Variants in CORIN observed in about 807,000 individuals in gnomAD.
The protein encoded by CORIN is atrial natriuretic peptide-converting enzyme.
A neutral mutation model predicts 125.3 loss-of-function variants in CORIN; 117 were observed. The observed-to-expected ratio is 0.93, with a 90% CI of 0.80 to 1.09. CORIN has a LOEUF of 1.09. CORIN is among the 50% of genes least tolerant of loss of function. CORIN has a pLI of 0.00. For missense variants in CORIN, 1,253 were observed against 1,306.7 expected (o/e 0.96, Z 0.63); for synonymous variants, 450 against 466.4 (o/e 0.96, Z 0.45).
intron 5 of CORIN, among the ~76,000 whole-genome samples, chr4:47,717,708 A>G (rs889229021): frequency 2.0e-5 from 3 of 152,226 alleles, no homozygotes; most frequent in Non-Finnish European, 4.4e-5. Flanking sequence ...TTAGTCTTTC[A>G]TGTTCAATCT....
At chr4:47,668,945 AATTCTATG>A (rs1724604908) in intron 10 of CORIN, among the ~76,000 whole-genome samples, 1 of 152,208 alleles carries the variant, frequency 6.6e-6, no homozygotes. Flanking sequence ...GTCAACCCCA[AATTCTATG>A]ATTTATGATA....
At chr4:47,720,712 C>T (rs1018250814) in intron 5 of CORIN, among the ~76,000 whole-genome samples, 2 of 152,178 alleles carry the variant, frequency 1.3e-5, no homozygotes, top group Non-Finnish European at 2.9e-5. Flanking sequence ...TAAGTGCCTG[C>T]AAGAGATGAT....
intron 2 of CORIN, among the ~76,000 whole-genome samples, chr4:47,799,026 G>A (rs1337122357): frequency 6.6e-6 from 1 of 151,956 alleles, no homozygotes; most frequent in African/African-American, 2.4e-5. Flanking sequence ...ATTTGCTTAA[G>A]CTAATGGCCT....
intron 16 of CORIN, among the ~76,000 whole-genome samples, chr4:47,633,058 A>T (rs1359072476): frequency 6.6e-6 from 1 of 152,182 alleles, no homozygotes. Flanking sequence ...CTAGGATTAT[A>T]GGCGTGAGCC....
At chr4:47,649,193 C>T (rs1723622721) in intron 13 of CORIN, among the ~76,000 whole-genome samples, 1 of 152,188 alleles carries the variant, frequency 6.6e-6, no homozygotes, top group South Asian at 2.1e-4. Context: ...GGCCCAGTCT[C>T]CCGTGAAAGA....
intron 5 of CORIN, among the ~76,000 whole-genome samples, chr4:47,714,393 C>T (rs1259767561): frequency 6.6e-6 from 1 of 152,180 alleles, no homozygotes; most frequent in Non-Finnish European, 1.5e-5. Context: ...AATTTTACAG[C>T]TAGAAGAGAC....
chr4:47,744,250 T>C (rs1050550918), intron 5 of CORIN, 152 bp downstream of exon 5: 3 of 688,308 alleles, frequency 4.4e-6, no homozygotes, highest in South Asian at 4.3e-5. Context: ...ATGTTGTTAA[T>C]ATTCTATTCC....
At chr4:47,739,094 A>C (rs1728263792) in intron 5 of CORIN, among the ~76,000 whole-genome samples, 1 of 152,028 alleles carries the variant, frequency 6.6e-6, no homozygotes, top group Non-Finnish European at 1.5e-5. Flanking sequence ...CATACTCATA[A>C]TGGGAGTCCC....
At chr4:47,694,532 T>C (rs545127122) in intron 5 of CORIN, among the ~76,000 whole-genome samples, 1 of 152,172 alleles carries the variant, frequency 6.6e-6, no homozygotes, top group South Asian at 2.1e-4. Flanking sequence ...ACTGCCACCA[T>C]TCCCTGCAGT....
Position 47,665,249 on chromosome 4 carries a change from T to TGC in CORIN, c.1371_1372insGC (p.Ile458AlafsTer8), listed in dbSNP as rs749304377. ...AAATTCATGCAGAGTTCCAATGTAA[T>TGC]TGGTTCACATTGACCTAACAAAGAA... is the stretch of plus-strand genomic sequence containing the variant. On this transcript the variant is annotated frameshift_variant, in exon 11 of 22. Coordinates refer to ENST00000273857, the MANE Select transcript of CORIN (RefSeq NM_006587.4). LOFTEE classifies it high-confidence loss of function. The TGC allele has an allele frequency of 9.2e-5, 149 of 1,611,354 alleles. No individual in the cohort carries two copies. The African/African-American group carries it at 1.8e-3, about 20-fold the overall frequency.
intron 4 of CORIN, 45 bp from the exon 5 acceptor site, chr4:47,744,628 A>G (rs1728579950): frequency 7.3e-6 from 11 of 1,509,460 alleles, no homozygotes; most frequent in Non-Finnish European, 9.8e-6. Context: ...GTCTTTACAG[A>G]ATAGGTTTTG....
chr4:47,821,699 G>A (rs1458954715), intron 1 of CORIN, among the ~76,000 whole-genome samples: 1 of 152,108 alleles, frequency 6.6e-6, no homozygotes, highest in Admixed American at 6.5e-5. Flanking sequence ...TTTTTTAAAT[G>A]ATTGTCTCAT....
chr4:47,694,359 A>G (rs1725892612), intron 5 of CORIN, among the ~76,000 whole-genome samples: 1 of 150,998 alleles, frequency 6.6e-6, no homozygotes, highest in South Asian at 2.1e-4. Flanking sequence ...TTTAGCTGGG[A>G]AAAAAATAAC....
intron 2 of CORIN, among the ~76,000 whole-genome samples, chr4:47,803,388 G>A (rs1411686538): frequency 6.6e-6 from 1 of 152,124 alleles, no homozygotes; most frequent in Non-Finnish European, 1.5e-5. Flanking sequence ...AAAAGACCCA[G>A]TATAGCCCAA....
intron 6 of CORIN, among the ~76,000 whole-genome samples, chr4:47,690,872 G>C (rs975458867): frequency 3.1e-4 from 47 of 152,316 alleles, no homozygotes; most frequent in Non-Finnish European, 4.6e-4. Context: ...CTCAAAAGCA[G>C]ATGTCCTTGT....
At chr4:47,763,189 AT>A (rs563208194) in intron 4 of CORIN, among the ~76,000 whole-genome samples, 189 bp downstream of exon 4, 3 of 152,082 alleles carry the variant, frequency 2.0e-5, no homozygotes, top group African/African-American at 4.8e-5. Context: ...ATTGTGAATA[AT>A]TTTTTCCCAT....
intron 5 of CORIN, among the ~76,000 whole-genome samples, chr4:47,701,015 C>T (rs774172342): frequency 9.2e-5 from 14 of 152,266 alleles, no homozygotes; most frequent in Non-Finnish European, 1.8e-4. Flanking sequence ...GCAAAGGTCT[C>T]CATTAGTACC....
intron 10 of CORIN, among the ~76,000 whole-genome samples, chr4:47,673,807 G>T (rs1346043746): frequency 6.6e-6 from 1 of 152,130 alleles, no homozygotes; most frequent in East Asian, 1.9e-4. Flanking sequence ...CAGCACTTTG[G>T]GAGGCCCAGG....
At chr4:47,828,940 C>T (rs1732851844) in intron 1 of CORIN, among the ~76,000 whole-genome samples, 1 of 151,858 alleles carries the variant, frequency 6.6e-6, no homozygotes, top group Non-Finnish European at 1.5e-5. Context: ...GGACGGATCA[C>T]GAGGTCAGGA....
Sources: allele counts gnomAD v4.1 joint callset (sites outside exome capture counted in the v4.1 genomes callset), GRCh38; gene constraint gnomAD v4.1.1; transcripts MANE v1.5; gene names NCBI Gene and HGNC (gene_info 2026-07-23, HGNC 2026-07-21).